The following DTX4 variants were observed in gnomAD, a reference collection of about 807,000 sequenced individuals.
DTX4 encodes the protein E3 ubiquitin-protein ligase DTX4.
DTX4 carries 28 observed loss-of-function variants against 57.6 expected under a neutral mutation model. The ratio of observed to expected loss-of-function variants is 0.49; its 90% CI spans 0.36 to 0.67. DTX4 has a LOEUF of 0.67. Ranked by LOEUF, DTX4 falls within the 30% of genes least tolerant of loss-of-function variation. The pLI, the probability that DTX4 is intolerant of heterozygous loss-of-function variation, is 0.00. For synonymous variants in DTX4, 316 were observed against 331.0 expected (o/e 0.95, Z 0.49); for missense variants, 715 against 836.8 (o/e 0.85, Z 1.80).
chr11:59,185,228 A>C (rs1338633179), intron 2 of DTX4: 1 of 152,204 alleles, frequency 6.6e-6, no homozygotes, highest in African/African-American at 2.4e-5. Context: ...GCTAGGCCTC[A>C]GTTGCCGTAG....
chr11:59,193,195 G>C (rs1452968276), intron 6 of DTX4, among the ~76,000 whole-genome samples: 1 of 152,162 alleles, frequency 6.6e-6, no homozygotes, highest in African/African-American at 2.4e-5. Flanking sequence ...TTGAATCCTG[G>C]CTTATTAGCT....
intron 7 of DTX4, among the ~76,000 whole-genome samples, chr11:59,196,223 A>G (rs1376722353): frequency 6.6e-6 from 1 of 152,268 alleles, no homozygotes; most frequent in East Asian, 1.9e-4. Context: ...ACATTGGAGA[A>G]GCAATGAGCA....
chr11:59,176,819 T>A (rs1040005762), intron 1 of DTX4, among the ~76,000 whole-genome samples: 19 of 152,242 alleles, frequency 1.2e-4, no homozygotes, highest in African/African-American at 4.6e-4. Flanking sequence ...CCTCAATCCC[T>A]ATCCTACTGG....
rs1406933054 is a variant in DTX4 at position 59,208,530 on chromosome 11, T to C, written c.*3621T>C. On this transcript the variant is annotated 3_prime_UTR_variant, in exon 9 of 9. Coordinates refer to ENST00000227451, the MANE Select transcript of DTX4 (RefSeq NM_015177.2). ...GGCTGTTGTTTCTCAAATAAATGTT[T>C]AATATTAATCATTCCCAAACTGACA... 1 of 152,230 alleles carries C rather than the reference T, an allele frequency of 6.6e-6. No individual in the cohort carries two copies. The highest frequency in any genetic ancestry group is 1.5e-5 in the Non-Finnish European group (1 of 68,040). The allele number at this position is 152,230 out of a possible 1,614,324, so 9.4% of individuals were successfully genotyped here. A position where few individuals can be genotyped will look rare whatever the true frequency, so the allele number is the denominator to read the frequency against.
chr11:59,177,725 CCTT>C (rs2135511933), intron 1 of DTX4, among the ~76,000 whole-genome samples: 1 of 152,318 alleles, frequency 6.6e-6, no homozygotes, highest in Non-Finnish European at 1.5e-5. Flanking sequence ...CCTTGAGGTC[CCTT>C]CTTCTGAAAC....
chr11:59,174,075 T>G (rs1862364301), intron 1 of DTX4, among the ~76,000 whole-genome samples: 3 of 152,012 alleles, frequency 2.0e-5, no homozygotes. Context: ...GTGTGCTAAT[T>G]AGGATTGTCA....
At chr11:59,185,079 G>A (rs1862511832) in intron 2 of DTX4, among the ~76,000 whole-genome samples, 1 of 152,186 alleles carries the variant, frequency 6.6e-6, no homozygotes, top group Non-Finnish European at 1.5e-5. Flanking sequence ...AGGTTTGGGG[G>A]CAGGAACAAA....
chr11:59,201,395 C>T (rs183941971), intron 8 of DTX4, among the ~76,000 whole-genome samples: 1 of 152,340 alleles, frequency 6.6e-6, no homozygotes, highest in Non-Finnish European at 1.5e-5. Flanking sequence ...AGGAGCAGCC[C>T]TCCTGTGGCC....
intron 4 of DTX4, among the ~76,000 whole-genome samples, chr11:59,189,773 G>A (rs1295427692): frequency 6.6e-6 from 1 of 152,170 alleles, no homozygotes; most frequent in Non-Finnish European, 1.5e-5. Flanking sequence ...ATCCATGACA[G>A]TTAGGAAGTA....
At position 59,208,058 on chromosome 11, in the gene DTX4, C is replaced by T. The variant is rs1364252953; in HGVS notation, c.*3149C>T. ...AGGTGAATGTCCTAAGTGAATTGTTCTGTTTGTAACTGGAATGTTTTTGAA... is the reference window on the plus strand; with the variant it reads ...AGGTGAATGTCCTAAGTGAATTGTTTTGTTTGTAACTGGAATGTTTTTGAA... On this transcript the variant is annotated 3_prime_UTR_variant, in exon 9 of 9. Coordinates refer to ENST00000227451, the MANE Select transcript of DTX4 (RefSeq NM_015177.2). The T allele has an allele frequency of 6.6e-6, 1 of 152,588 alleles. No individual in the cohort carries two copies. Among genetic ancestry groups the T allele is most frequent in the African/African-American group, 2.4e-5 (1 of 41,410 alleles). 9.5% of individuals were successfully genotyped at this position (152,588 alleles called of 1,614,324 possible).
At position 59,181,804 on chromosome 11, in the gene DTX4, TG is replaced by T; in HGVS notation, c.280del (p.Glu94SerfsTer41). ...PSSAPGKGVV[W>X]EWENDNGSWT... is the part of the protein sequence containing the mutation. ...CTCGGCCCCTGGGAAGGGCGTGGTG[TG>T]GGAGTGGGAGAACGACAATGGCTCC... On this transcript the variant is annotated frameshift_variant, in exon 2 of 9. Transcript: ENST00000227451. LOFTEE classifies it high-confidence loss of function. The T allele has an allele frequency of 6.2e-7, 1 of 1,613,870 alleles. No homozygotes were observed. The highest frequency in any genetic ancestry group is 8.5e-7 in the Non-Finnish European group (1 of 1,179,846).
rs1275844852 is a variant in DTX4, at chr11:59,192,132, C to G, written c.1256C>G (p.Pro419Arg). Residue 419 changes from proline to arginine, a missense_variant, in exon 6 of 9, where the codon CCC becomes CGC. By Grantham distance (103) the Pro-to-Arg change is moderately radical (BLOSUM62 -2). Coordinates refer to ENST00000227451, the MANE Select transcript of DTX4 (RefSeq NM_015177.2). ...CTICMERLTA[P>R]SGYKGPQPTV... is the part of the protein sequence containing the mutation. Reference sequence around the variant, plus strand: ...ATCTGTATGGAACGCCTCACGGCCCCCTCAGGCTACAAGGGCCCGCAGCCT... The same window carrying G: ...ATCTGTATGGAACGCCTCACGGCCCGCTCAGGCTACAAGGGCCCGCAGCCT... The G allele has an allele frequency of 4.3e-6, 7 of 1,613,834 alleles. No homozygotes were observed. Among genetic ancestry groups the G allele is most frequent in the East Asian group, 4.5e-5 (2 of 44,854 alleles).
At chr11:59,183,368 C>G (rs767187256) in intron 2 of DTX4, among the ~76,000 whole-genome samples, 118 of 152,302 alleles carry the variant, frequency 7.7e-4, no homozygotes, top group Non-Finnish European at 1.3e-3. Flanking sequence ...TCAGTTATTT[C>G]TGTGACAACC....
chr11:59,191,698 A>G (rs955452593), intron 5 of DTX4, among the ~76,000 whole-genome samples: 1 of 152,226 alleles, frequency 6.6e-6, no homozygotes, highest in Non-Finnish European at 1.5e-5. Flanking sequence ...CCTGTTGGAC[A>G]TTTATTTAAA....
chr11:59,192,175 G>T lies in DTX4; in HGVS notation c.1299G>T (p.Leu433=), dbSNP rs749850400. The stretch of plus-strand genomic sequence containing the variant: ...CGCAGCCTACGGTAAAACCTGACCT[G>T]GTAGGGAAGCTGTCCAGATGCGGCC... ...KGPQPTVKPD[L]VGKLSRCGHV... Residue 433 remains leucine (L), a synonymous_variant, in exon 6 of 9, where the codon CTG becomes CTT. Transcript: ENST00000227451. 8 of 1,613,940 alleles carry T rather than the reference G, an allele frequency of 5.0e-6. No homozygotes were observed. The highest frequency in any genetic ancestry group is 6.8e-6 in the Non-Finnish European group (8 of 1,179,884).
chr11:59,181,146 A>G (rs1355015692), intron 1 of DTX4, among the ~76,000 whole-genome samples: 2 of 152,196 alleles, frequency 1.3e-5, no homozygotes, highest in Non-Finnish European at 2.9e-5. Flanking sequence ...AGGCTTCCAC[A>G]GCCCTGTATT....
chr11:59,191,944 A>G (rs1862604059), intron 5 of DTX4, among the ~76,000 whole-genome samples, 154 bp from the exon 6 acceptor site: 1 of 152,182 alleles, frequency 6.6e-6, no homozygotes, highest in South Asian at 2.1e-4. Flanking sequence ...TAAAGACAAA[A>G]CGATATTTAG....
At chr11:59,188,834 G>T (rs2135519345) in intron 3 of DTX4, 38 bp downstream of exon 3, 1 of 1,557,600 alleles carries the variant, frequency 6.4e-7, no homozygotes, top group Non-Finnish European at 8.8e-7. Flanking sequence ...TTAAGGTAGA[G>T]AAATCAGAGT....
At chr11:59,201,268 T>C (rs766328295) in intron 8 of DTX4, among the ~76,000 whole-genome samples, 6 of 152,202 alleles carry the variant, frequency 3.9e-5, no homozygotes, top group Admixed American at 6.5e-5. Context: ...CACCTTCTAA[T>C]ACTGTCACCT....
Sources: gnomAD v4.1 joint callset for allele counts (sites outside exome capture counted in the v4.1 genomes callset) on GRCh38, gnomAD v4.1.1 for gene constraint, MANE v1.5 for transcripts, NCBI Gene and HGNC (gene_info 2026-07-23, HGNC 2026-07-21) for gene names.